CASZ1: variants seen among roughly 807,000 people sequenced by gnomAD.
CASZ1 encodes the protein zinc finger protein castor homolog 1.
A neutral mutation model predicts 135.2 loss-of-function variants in CASZ1; 28 were observed. The ratio of observed to expected loss-of-function variants is 0.21; its 90% CI spans 0.15 to 0.28. CASZ1 has a LOEUF of 0.28. Ranked by LOEUF, CASZ1 falls within the 10% of genes least tolerant of loss-of-function variation. The probability of loss-of-function intolerance (pLI) is 1.00; values close to 1 mark genes in which losing one functional copy is unlikely to be tolerated. For missense variants in CASZ1, 2,161 were observed against 2,453.3 expected, an observed-to-expected ratio of 0.88 and a Z score of 2.52; for synonymous variants, 1,068 against 1,073.4, an observed-to-expected ratio of 0.99 and a Z score of 0.10.
At chr1:10,677,517 G>A (rs1638261092) in intron 4 of CASZ1, among the ~76,000 whole-genome samples, 1 of 152,186 alleles carries the variant, frequency 6.6e-6, no homozygotes, top group South Asian at 2.1e-4. Flanking sequence ...GAGCTAAGGA[G>A]GGCAGCCTGC....
In CASZ1 at chr1:10,709,719, G is replaced by A. The variant is rs902064329; in HGVS notation, c.-76-4175C>T. On this transcript the variant is annotated intron_variant, in intron 2 of 20. Coordinates refer to ENST00000377022, the MANE Select transcript of CASZ1 (RefSeq NM_001079843.3). This position sits in a 1 kb window ranked among gnomAD's most constrained non-coding sequence, Gnocchi z 5.1. ...CTGGGGAGAGAAAGGCCCCAGGCAG[G>A]GGCTGAGCAGTGCCCCGGGCAGTGC... is the stretch of plus-strand genomic sequence containing the variant. Among the ~76,000 whole-genome samples, 2 of 152,186 alleles carry A rather than the reference G, an allele frequency of 1.3e-5. No homozygotes were observed. The highest frequency in any genetic ancestry group is 1.3e-4 in the Admixed American group (2 of 15,292).
intron 4 of CASZ1, among the ~76,000 whole-genome samples, chr1:10,681,795 C>A (rs1219310629): frequency 6.6e-6 from 1 of 152,190 alleles, no homozygotes; most frequent in Non-Finnish European, 1.5e-5. Flanking sequence ...GCTCCAGGAA[C>A]CTTTCCTGGA....
Position 10,701,852 on chromosome 1 carries a change from C to T in CASZ1, c.-24+3640G>A, listed in dbSNP as rs934225520. Among the ~76,000 whole-genome samples, 9 of 152,080 alleles carry T rather than the reference C, an allele frequency of 5.9e-5. No homozygotes were observed. In the East Asian group the frequency reaches 1.2e-3, roughly 20 times the overall value. On this transcript the variant is annotated intron_variant, in intron 3 of 20. Coordinates refer to ENST00000377022, the MANE Select transcript of CASZ1 (RefSeq NM_001079843.3). The surrounding 1 kb of genome is among the most constrained non-coding windows in gnomAD (Gnocchi z 6.3). ...AACTAACAGGTGCTCGTCCAGGAGC[C>T]GACCTGAGGGAGCCCATTCCTGCCA...
intron 4 of CASZ1, among the ~76,000 whole-genome samples, chr1:10,671,660 C>T (rs1643403632): frequency 6.6e-6 from 1 of 152,214 alleles, no homozygotes; most frequent in East Asian, 1.9e-4. Context: ...CCCAGGTGGG[C>T]ACTTGGCAGG....
intron 19 of CASZ1, 79 bp from the exon 20 acceptor site, chr1:10,643,079 A>G: frequency 1.3e-6 from 2 of 1,594,692 alleles, no homozygotes; most frequent in Non-Finnish European, 1.7e-6. Flanking sequence ...GGCTCCATGC[A>G]GCACAGGCCT....
chr1:10,753,237 G>A (rs1044745760), intron 2 of CASZ1, among the ~76,000 whole-genome samples: 3 of 152,190 alleles, frequency 2.0e-5, no homozygotes, highest in Non-Finnish European at 4.4e-5. Flanking sequence ...CCGGCAGGGG[G>A]GTACAGTTCC....
chr1:10,682,059 A>G (rs1181227119), intron 4 of CASZ1, among the ~76,000 whole-genome samples: 1 of 152,216 alleles, frequency 6.6e-6, no homozygotes, highest in East Asian at 1.9e-4. Flanking sequence ...CCCTGTCCCA[A>G]AAGGAGAAAA....
At chr1:10,786,030 C>T (rs1354759022) in intron 1 of CASZ1, among the ~76,000 whole-genome samples, 2 of 152,252 alleles carry the variant, frequency 1.3e-5, no homozygotes, top group African/African-American at 2.4e-5. Context: ...CCTGATCCCA[C>T]GCGCCGCTCC....
At chr1:10,670,042 A>G (rs577278750) in intron 4 of CASZ1, among the ~76,000 whole-genome samples, 14 of 152,262 alleles carry the variant, frequency 9.2e-5, no homozygotes, top group Admixed American at 5.2e-4. Flanking sequence ...TGCCCGCTGT[A>G]TATCAGGAGG....
chr1:10,685,285 A>T (rs1435564110), intron 4 of CASZ1, among the ~76,000 whole-genome samples: 3 of 152,182 alleles, frequency 2.0e-5, no homozygotes, highest in African/African-American at 7.2e-5. Context: ...TGGGGGGCAC[A>T]CTGTCATCTC....
In CASZ1 at chr1:10,720,043, A is replaced by T. The variant is rs989135090; in HGVS notation, c.-76-14499T>A. On this transcript the variant is annotated intron_variant, in intron 2 of 20. Coordinates refer to ENST00000377022, the MANE Select transcript of CASZ1 (RefSeq NM_001079843.3). The surrounding 1 kb of genome is among the most constrained non-coding windows in gnomAD (Gnocchi z 5.7). ...AGGAGCCAGGCGGCTGCCGGTCCCC[A>T]CTGCTCTGCCCAGAGGCCCTGTGGC... Among the ~76,000 whole-genome samples the T allele has an allele frequency of 6.6e-5, 10 of 152,350 alleles. No homozygotes were observed. The highest frequency in any genetic ancestry group is 5.9e-4 in the Admixed American group (9 of 15,308).
At chr1:10,748,008 C>T (rs1640076530) in intron 2 of CASZ1, among the ~76,000 whole-genome samples, 1 of 152,094 alleles carries the variant, frequency 6.6e-6, no homozygotes. Context: ...TTAGTGGAGA[C>T]GGGGTTTCAC....
At position 10,639,266 on chromosome 1, in the gene CASZ1, G is replaced by C; in HGVS notation, c.4956C>G (p.Pro1652=). 1 of 1,010,476 alleles carries C rather than the reference G, an allele frequency of 9.9e-7. No homozygotes were observed. The highest frequency in any genetic ancestry group is 1.2e-6 in the Non-Finnish European group (1 of 840,104). 62.6% of individuals were successfully genotyped at this position (1,010,476 alleles called of 1,614,324 possible). ...ALGDAGDPGP[P]DAAAPGPREG... ...CGCGCGGCCCGGGGGCGGCGGCGTC[G>C]GGCGGGCCGGGGTCGCCCGCGTCGC... Residue 1652 remains proline, a synonymous_variant, in exon 21 of 21, where the codon CCC becomes CCG. Transcript: ENST00000377022. This position sits in a 1 kb window ranked among gnomAD's most constrained non-coding sequence, Gnocchi z 4.0.
At chr1:10,716,475 G>A (rs917205766) in intron 2 of CASZ1, among the ~76,000 whole-genome samples, 18 of 152,244 alleles carry the variant, frequency 1.2e-4, no homozygotes, top group African/African-American at 4.3e-4. Context: ...GGGGAGCAGT[G>A]GGCAGAGGGA....
intron 1 of CASZ1, among the ~76,000 whole-genome samples, chr1:10,773,004 C>G (rs1363957428): frequency 2.0e-5 from 3 of 152,016 alleles, no homozygotes; most frequent in African/African-American, 4.8e-5. Flanking sequence ...TCCTGGCCCC[C>G]ACTCACTAAG....
chr1:10,694,538 G>A lies in CASZ1; in HGVS notation c.-23-626C>T, dbSNP rs1443984406. The A allele has an allele frequency of 1.4e-5, 2 of 141,656 alleles. No individual in the cohort carries two copies. The highest frequency in any genetic ancestry group is 3.1e-5 in the Non-Finnish European group (2 of 64,806). The allele number at this position is 141,656 out of a possible 1,614,324, so 8.8% of individuals were successfully genotyped here. On this transcript the variant is annotated intron_variant, in intron 3 of 20. Coordinates refer to ENST00000377022, the MANE Select transcript of CASZ1 (RefSeq NM_001079843.3). This position sits in a 1 kb window ranked among gnomAD's most constrained non-coding sequence, Gnocchi z 6.6. Reference sequence around the variant, plus strand: ...AGGGCGGCCGCGGCGCCGCCTCCTCGGCCCGGCCCGCGCCGGCCCCGGCAG... The same window carrying A: ...AGGGCGGCCGCGGCGCCGCCTCCTCAGCCCGGCCCGCGCCGGCCCCGGCAG...
rs1487616809 is a variant in CASZ1, at chr1:10,636,952, T to C, written c.*1990A>G. 3 of 152,102 alleles carry C rather than the reference T, an allele frequency of 2.0e-5. No individual in the cohort carries two copies. Among genetic ancestry groups the C allele is most frequent in the African/African-American group, 7.3e-5 (3 of 41,356 alleles). The allele number at this position is 152,102 out of a possible 1,614,324, so 9.4% of individuals were successfully genotyped here. ...TATACACATACATAGTTATAAAACA[T>C]TAAAAAGAGCATTGGTGGATCAAGC... On this transcript the variant is annotated 3_prime_UTR_variant, in exon 21 of 21. Coordinates refer to ENST00000377022, the MANE Select transcript of CASZ1 (RefSeq NM_001079843.3).
intron 3 of CASZ1, among the ~76,000 whole-genome samples, chr1:10,695,587 C>CA (rs1638915055): frequency 8.7e-6 from 1 of 115,468 alleles, no homozygotes; most frequent in South Asian, 4.4e-4. Context: ...GCCACCCCCC[C>CA]CCCCCCCGCC....
In CASZ1 at chr1:10,643,147, G is replaced by C. The variant is rs11582658; in HGVS notation, c.4020+13C>G. 38 of 1,551,202 alleles carry C rather than the reference G, an allele frequency of 2.4e-5. No homozygotes were observed. The highest frequency in any genetic ancestry group is 2.2e-4 in the Middle Eastern group (1 of 4,622). On this transcript the variant is annotated intron_variant, in intron 19 of 20. Coordinates refer to ENST00000377022, the MANE Select transcript of CASZ1 (RefSeq NM_001079843.3). ...CCACCCTGGCTGGGCTCTCACCTGGGGGGGGCTCTCACCTGGGAGGGGGGC... is the reference window on the plus strand; with the variant it reads ...CCACCCTGGCTGGGCTCTCACCTGGCGGGGGCTCTCACCTGGGAGGGGGGC...
Sources: allele counts gnomAD v4.1 joint callset (sites outside exome capture counted in the v4.1 genomes callset), GRCh38; gene constraint gnomAD v4.1.1; non-coding constraint Gnocchi (gnomAD v3.1); transcripts MANE v1.5; gene names NCBI Gene and HGNC (gene_info 2026-07-23, HGNC 2026-07-21).